Variants in CADPS2 observed in about 807,000 individuals in gnomAD.
CADPS2 encodes calcium-dependent secretion activator 2.
A neutral mutation model predicts 172.5 loss-of-function variants in CADPS2; 93 were observed. The observed-to-expected ratio is 0.54, with a 90% CI of 0.46 to 0.64. The LOEUF is 0.64. Ranked by LOEUF, CADPS2 falls within the 30% of genes least tolerant of loss-of-function variation. CADPS2 has a pLI of 0.00. For missense variants in CADPS2, 1,420 were observed against 1,565.9 expected (o/e 0.91, Z 1.57); for synonymous variants, 546 against 555.2 (o/e 0.98, Z 0.23).
chr7:122,338,650 A>C (rs1169844581), intron 28 of CADPS2, among the ~76,000 whole-genome samples: 1 of 152,238 alleles, frequency 6.6e-6, no homozygotes. Flanking sequence ...CCTAATGGGA[A>C]TCTATACTAA....
intron 28 of CADPS2, among the ~76,000 whole-genome samples, chr7:122,344,174 G>A (rs2037215264): frequency 6.6e-6 from 1 of 152,170 alleles, no homozygotes; most frequent in Non-Finnish European, 1.5e-5. Context: ...GTGTCACCAT[G>A]AAGCCCGTGA....
At chr7:122,347,039 G>A (rs181205342) in intron 27 of CADPS2, among the ~76,000 whole-genome samples, 1 of 152,154 alleles carries the variant, frequency 6.6e-6, no homozygotes, top group African/African-American at 2.4e-5. Context: ...TCGACCTAAT[G>A]ATAGGTAGGT....
intron 8 of CADPS2, among the ~76,000 whole-genome samples, chr7:122,516,496 C>A (rs1427481668): frequency 6.6e-6 from 1 of 152,110 alleles, no homozygotes; most frequent in Non-Finnish European, 1.5e-5. Flanking sequence ...TATGACCATG[C>A]CACTGCACTC....
intron 3 of CADPS2, among the ~76,000 whole-genome samples, chr7:122,641,042 G>A (rs1295310836): frequency 1.3e-5 from 2 of 151,878 alleles, no homozygotes; most frequent in Middle Eastern, 3.4e-3. Context: ...ATAGAGATCA[G>A]AGGTAAGGCT....
At chr7:122,462,088 A>C (rs28648607) in intron 14 of CADPS2, among the ~76,000 whole-genome samples, 9,768 of 152,288 alleles carry the variant, frequency 0.064, 582 homozygotes, top group African/African-American at 0.15. Context: ...AGTCCAAAGA[A>C]CATTCTTCAG....
chr7:122,449,933 A>T (rs2052824861), intron 15 of CADPS2, among the ~76,000 whole-genome samples: 1 of 152,314 alleles, frequency 6.6e-6, no homozygotes, highest in East Asian at 1.9e-4. Flanking sequence ...AGGTACTGCT[A>T]CTAGCCCCAG....
At chr7:122,668,218 T>G (rs911919069) in intron 2 of CADPS2, among the ~76,000 whole-genome samples, 1 of 143,534 alleles carries the variant, frequency 7.0e-6, no homozygotes, top group East Asian at 2.2e-4. Context: ...TGTGGAAATA[T>G]AAGAGAGGGA....
intron 3 of CADPS2, among the ~76,000 whole-genome samples, chr7:122,640,163 T>A (rs979515056): frequency 1.3e-5 from 2 of 152,144 alleles, no homozygotes; most frequent in Non-Finnish European, 2.9e-5. Context: ...TCCCTCACAG[T>A]CCACATCCAA....
chr7:122,478,698 T>C (rs1002976423), intron 12 of CADPS2, among the ~76,000 whole-genome samples: 1 of 152,100 alleles, frequency 6.6e-6, no homozygotes, highest in Non-Finnish European at 1.5e-5. Flanking sequence ...ATAGGTGGCA[T>C]AGAAAATGAT....
At chr7:122,870,256 G>A (rs557856244) in intron 1 of CADPS2, among the ~76,000 whole-genome samples, 2 of 151,954 alleles carry the variant, frequency 1.3e-5, no homozygotes, top group South Asian at 4.1e-4. Context: ...AAAGTGAAGG[G>A]AAGAAAAAAG....
rs944301778 is a variant in CADPS2 at position 122,835,632 on chromosome 7, T to C, written c.339+50367A>G. Among the ~76,000 whole-genome samples, 3 of 152,152 alleles carry C rather than the reference T, an allele frequency of 2.0e-5. No individual in the cohort carries two copies. In the East Asian group the frequency reaches 5.8e-4, roughly 29 times the overall value. ...AAACCATGGCATGAGAACTACGTGATGAATGTACAAGCTTCAGTAGCCGAT... is the reference window on the plus strand; with the variant it reads ...AAACCATGGCATGAGAACTACGTGACGAATGTACAAGCTTCAGTAGCCGAT... On this transcript the variant is annotated intron_variant, in intron 1 of 29. Transcript: ENST00000449022.
intron 1 of CADPS2, among the ~76,000 whole-genome samples, chr7:122,761,615 T>G (rs1223670803): frequency 1.3e-5 from 2 of 151,952 alleles, no homozygotes; most frequent in Non-Finnish European, 2.9e-5. Flanking sequence ...TATTCTTACT[T>G]TATCTGAAAA....
chr7:122,514,640 G>C (rs932211134), intron 8 of CADPS2, among the ~76,000 whole-genome samples: 2 of 152,006 alleles, frequency 1.3e-5, no homozygotes. Flanking sequence ...TTTCATTCCT[G>C]AATGTATTAA....
chr7:122,643,136 C>G (rs1372086074), intron 3 of CADPS2, among the ~76,000 whole-genome samples: 1 of 152,180 alleles, frequency 6.6e-6, no homozygotes, highest in African/African-American at 2.4e-5. Context: ...AAAGAATACT[C>G]TTCCTAACAC....
chr7:122,319,557 T>G lies in CADPS2; in HGVS notation c.*608A>C, dbSNP rs1478955382. 22 of 152,182 alleles carry G rather than the reference T, an allele frequency of 1.4e-4. No homozygotes were observed. Among genetic ancestry groups the G allele is most frequent in the Admixed American group, 1.4e-3 (22 of 15,278 alleles). 9.4% of individuals were successfully genotyped at this position (152,182 alleles called of 1,614,324 possible). A position where few individuals can be genotyped will look rare whatever the true frequency, so the allele number is the denominator to read the frequency against. On this transcript the variant is annotated 3_prime_UTR_variant, in exon 30 of 30. Transcript: ENST00000449022. ...ACAAAGACACAAACCCATTGGATAA[T>G]CTAGTCTATATTTGGGTTTGGCAAT... is the stretch of plus-strand genomic sequence containing the variant.
At chr7:122,422,914 G>A (rs139632948) in intron 17 of CADPS2, among the ~76,000 whole-genome samples, 4,161 of 152,076 alleles carry the variant, frequency 0.027, 175 homozygotes, top group African/African-American at 0.095. Context: ...AGCCGAGATC[G>A]CGCCACTGCA....
intron 1 of CADPS2, among the ~76,000 whole-genome samples, chr7:122,848,274 T>C (rs1014202670): frequency 6.6e-6 from 1 of 152,160 alleles, no homozygotes; most frequent in African/African-American, 2.4e-5. Context: ...ACCCTTCCTC[T>C]GCGACAGAGC....
intron 17 of CADPS2, among the ~76,000 whole-genome samples, chr7:122,437,939 T>C (rs1280287525): frequency 1.3e-5 from 2 of 152,128 alleles, no homozygotes; most frequent in African/African-American, 4.8e-5. Flanking sequence ...AGTTTCTTTT[T>C]TGAGTGATAC....
intron 3 of CADPS2, among the ~76,000 whole-genome samples, chr7:122,651,943 T>C (rs146377532): frequency 6.6e-6 from 1 of 152,168 alleles, no homozygotes; most frequent in Admixed American, 6.5e-5. Flanking sequence ...CCTACCTCTG[T>C]TAATATCTCA....
Sources: allele counts gnomAD v4.1 joint callset (sites outside exome capture counted in the v4.1 genomes callset), GRCh38; gene constraint gnomAD v4.1.1; transcripts MANE v1.5; gene names NCBI Gene and HGNC (gene_info 2026-07-23, HGNC 2026-07-21).